DPP10: variants seen among roughly 807,000 people sequenced by gnomAD.
The protein encoded by DPP10 is dipeptidyl peptidase like 10.
DPP10 carries 33 observed loss-of-function variants against 120.9 expected under a neutral mutation model. The ratio of observed to expected loss-of-function variants is 0.27; its 90% CI spans 0.21 to 0.37. The LOEUF is 0.37. Among genes scored for constraint, DPP10 ranks in the 10% least tolerant of loss-of-function variants. The pLI, the probability that DPP10 is intolerant of heterozygous loss-of-function variation, is 1.00. For missense variants in DPP10, 816 were observed against 942.8 expected (o/e 0.87, Z 1.76); for synonymous variants, 337 against 326.1 (o/e 1.03, Z -0.36).
chr2:115,720,123 T>C (rs965736209), intron 7 of DPP10, among the ~76,000 whole-genome samples: 3 of 152,318 alleles, frequency 2.0e-5, no homozygotes, highest in African/African-American at 7.2e-5. Context: ...GATTGACAAA[T>C]TGATTGTACC....
At chr2:114,672,409 C>T (rs532525014) in intron 1 of DPP10, among the ~76,000 whole-genome samples, 1 of 152,146 alleles carries the variant, frequency 6.6e-6, no homozygotes, top group Non-Finnish European at 1.5e-5. Flanking sequence ...AGTGTTTGGG[C>T]AATAAATTAG....
intron 21 of DPP10, among the ~76,000 whole-genome samples, chr2:115,827,431 T>TATATAA (rs1285378250): frequency 1.4e-5 from 2 of 142,886 alleles, no homozygotes; most frequent in Admixed American, 1.4e-4. Context: ...TATATATATA[T>TATATAA]ATATATATAT....
intron 1 of DPP10, among the ~76,000 whole-genome samples, chr2:114,975,774 C>T (rs935291333): frequency 6.6e-6 from 1 of 152,134 alleles, no homozygotes; most frequent in Non-Finnish European, 1.5e-5. Flanking sequence ...CCTCAGCCTC[C>T]TGTGTAGCTG....
At chr2:114,480,522 A>C (rs1680930179) in intron 1 of DPP10, among the ~76,000 whole-genome samples, 1 of 151,942 alleles carries the variant, frequency 6.6e-6, no homozygotes, top group African/African-American at 2.4e-5. Context: ...AATACTATGC[A>C]GCCATAAAAA....
chr2:115,337,383 G>A (rs991867331), intron 2 of DPP10, among the ~76,000 whole-genome samples: 1 of 151,904 alleles, frequency 6.6e-6, no homozygotes, highest in Non-Finnish European at 1.5e-5. Context: ...GTGAAAAGAT[G>A]CTATTAATAC....
chr2:114,658,512 C>G (rs1047061393), intron 1 of DPP10, among the ~76,000 whole-genome samples: 1 of 152,068 alleles, frequency 6.6e-6, no homozygotes, highest in Non-Finnish European at 1.5e-5. Flanking sequence ...ACCATAAAGG[C>G]TACAAAAATG....
chr2:114,806,363 C>T (rs1158548895), intron 1 of DPP10, among the ~76,000 whole-genome samples: 1 of 152,176 alleles, frequency 6.6e-6, no homozygotes, highest in Non-Finnish European at 1.5e-5. Flanking sequence ...TTGCTTAACA[C>T]TACCAAGCTA....
chr2:115,450,161 T>A (rs998343743), intron 3 of DPP10, among the ~76,000 whole-genome samples: 1 of 151,956 alleles, frequency 6.6e-6, no homozygotes, highest in Non-Finnish European at 1.5e-5. Context: ...CCAAACATTA[T>A]AGCTTAGTCT....
At chr2:114,967,280 G>T (rs1699101256) in intron 1 of DPP10, among the ~76,000 whole-genome samples, 1 of 152,192 alleles carries the variant, frequency 6.6e-6, no homozygotes, top group Non-Finnish European at 1.5e-5. Flanking sequence ...AAGTGAGAAG[G>T]CATGGATCTG....
chr2:114,513,605 AAAGG>A (rs1438316205), intron 1 of DPP10, among the ~76,000 whole-genome samples: 3 of 147,368 alleles, frequency 2.0e-5, no homozygotes, highest in Admixed American at 6.8e-5. Context: ...AAAACAGAAG[AAAGG>A]AAGGAAGGGA....
chr2:114,943,717 T>A (rs866325974), intron 1 of DPP10, among the ~76,000 whole-genome samples: 3 of 152,338 alleles, frequency 2.0e-5, no homozygotes, highest in Middle Eastern at 3.4e-3. Context: ...GGGTATACTG[T>A]TTTTCTGATT....
intron 3 of DPP10, among the ~76,000 whole-genome samples, chr2:115,410,320 G>A (rs771156298): frequency 8.5e-5 from 13 of 152,164 alleles, no homozygotes; most frequent in South Asian, 2.1e-4. Context: ...ATGAGATCGC[G>A]CCCTTTGCAG....
intron 1 of DPP10, among the ~76,000 whole-genome samples, chr2:115,155,067 A>AT (rs966814838): frequency 3.3e-5 from 5 of 150,406 alleles, no homozygotes; most frequent in Non-Finnish European, 7.4e-5. Context: ...AATTTTATTT[A>AT]TTTTTTTTTT....
chr2:115,104,807 A>C (rs1192588662), intron 1 of DPP10, among the ~76,000 whole-genome samples: 1 of 152,158 alleles, frequency 6.6e-6, no homozygotes, highest in South Asian at 2.1e-4. Context: ...AGAGATTGAG[A>C]CCATCCTGGC....
intron 1 of DPP10, among the ~76,000 whole-genome samples, chr2:115,238,793 G>A (rs982984751): frequency 6.6e-6 from 1 of 152,176 alleles, no homozygotes; most frequent in Non-Finnish European, 1.5e-5. Context: ...GTGGTAGATT[G>A]TATTAGTCAG....
chr2:114,942,390 T>TAC (rs1243561927), intron 1 of DPP10, among the ~76,000 whole-genome samples: 13 of 51,478 alleles, frequency 2.5e-4, no homozygotes, highest in African/African-American at 7.1e-4. Context: ...TATATATATA[T>TAC]ACACACACAC....
chr2:115,480,360 A>G (rs1342868619), intron 3 of DPP10, among the ~76,000 whole-genome samples: 2 of 152,144 alleles, frequency 1.3e-5, no homozygotes, highest in African/African-American at 2.4e-5. Context: ...AATGTACTGC[A>G]TAACTGAATT....
At chr2:115,248,097 G>A (rs2058611878) in intron 1 of DPP10, among the ~76,000 whole-genome samples, 1 of 152,158 alleles carries the variant, frequency 6.6e-6, no homozygotes, top group Admixed American at 6.6e-5. Context: ...AGGTACTGAT[G>A]TCATCTCCAT....
chr2:114,639,691 A>G (rs1208511697), intron 1 of DPP10, among the ~76,000 whole-genome samples: 1 of 151,914 alleles, frequency 6.6e-6, no homozygotes, highest in Admixed American at 6.5e-5. Context: ...AAAACAAGCA[A>G]GTTGTCAATT....
Sources: allele counts gnomAD v4.1 joint callset (sites outside exome capture counted in the v4.1 genomes callset), GRCh38; gene constraint gnomAD v4.1.1; transcripts MANE v1.5; gene names NCBI Gene and HGNC (gene_info 2026-07-23, HGNC 2026-07-21).